PIK3CD: variants seen among roughly 807,000 people sequenced by gnomAD.
PIK3CD encodes phosphatidylinositol-4,5-bisphosphate 3-kinase catalytic subunit delta.
Under a neutral mutation model 122.9 loss-of-function variants are expected in PIK3CD, and 20 were observed. The observed-to-expected ratio is 0.16, with a 90% CI of 0.11 to 0.24. The LOEUF (loss-of-function observed/expected upper bound fraction) is 0.24, where lower values mean the gene tolerates loss of function less well. Among genes scored for constraint, PIK3CD ranks in the 10% least tolerant of loss-of-function variants. The pLI is 1.00. For synonymous variants in PIK3CD, 596 were observed against 593.4 expected (o/e 1.00, Z -0.06); for missense variants, 787 against 1,406.3 (o/e 0.56, Z 7.04).
At position 9,718,999 on chromosome 1, in the gene PIK3CD, C is replaced by A; in HGVS notation, c.1242+84C>A. ...GCTGGGCCACTCACCACTCTCCTCC[C>A]GGCAAGCACGCAGCCTGGGGATGGG... On this transcript the variant is annotated intron_variant, in intron 9 of 23. Coordinates refer to ENST00000377346, the MANE Select transcript of PIK3CD (RefSeq NM_005026.5). This position sits in a 1 kb window ranked among gnomAD's most constrained non-coding sequence, Gnocchi z 7.2. The A allele has an allele frequency of 7.8e-7, 1 of 1,287,018 alleles. No homozygotes were observed. The highest frequency in any genetic ancestry group is 1.2e-5 in the South Asian group (1 of 81,642). 79.7% of individuals were successfully genotyped at this position (1,287,018 alleles called of 1,614,324 possible). A position where few individuals can be genotyped will look rare whatever the true frequency, so the allele number is the denominator to read the frequency against.
At position 9,717,689 on chromosome 1, in the gene PIK3CD, C is replaced by A; in HGVS notation, c.1020+63C>A. On this transcript the variant is annotated intron_variant, in intron 8 of 23. Coordinates refer to ENST00000377346, the MANE Select transcript of PIK3CD (RefSeq NM_005026.5). This position sits in a 1 kb window ranked among gnomAD's most constrained non-coding sequence, Gnocchi z 5.4. ...TTTGCACAAACAAGGTGGCTGTATC[C>A]TGGAGGGGTAGCAGAGGAAGGAGGG... The A allele has an allele frequency of 6.9e-7, 1 of 1,440,966 alleles. No individual in the cohort carries two copies. The highest frequency in any genetic ancestry group is 9.7e-7 in the Non-Finnish European group (1 of 1,029,276). 89.3% of individuals were successfully genotyped at this position (1,440,966 alleles called of 1,614,324 possible). A position where few individuals can be genotyped will look rare whatever the true frequency, so the allele number is the denominator to read the frequency against.
In PIK3CD at chr1:9,724,675, C is replaced by A; in HGVS notation, c.2865-129C>A. 7.9e-7 allele frequency: 1 copy of A among 1,259,188 alleles called. No homozygotes were observed. Among genetic ancestry groups the A allele is most frequent in the Non-Finnish European group, 1.2e-6 (1 of 861,514 alleles). 78.0% of individuals were successfully genotyped at this position (1,259,188 alleles called of 1,614,324 possible). A position where few individuals can be genotyped will look rare whatever the true frequency, so the allele number is the denominator to read the frequency against. The stretch of plus-strand genomic sequence containing the variant: ...GGGGGTCAGTTAGCAGAACTGGAGG[C>A]CTTGTGTCCACCCATTATCAGGGCA... On this transcript the variant is annotated intron_variant, in intron 22 of 23. Transcript: ENST00000377346. The surrounding 1 kb of genome is among the most constrained non-coding windows in gnomAD (Gnocchi z 7.3).
At chr1:9,662,027 G>A (rs897080027) in intron 1 of PIK3CD, among the ~76,000 whole-genome samples, 1 of 152,104 alleles carries the variant, frequency 6.6e-6, no homozygotes, top group East Asian at 1.9e-4. Flanking sequence ...ACATGGTGGT[G>A]CATGCCTGTA....
At chr1:9,694,835 G>A (rs1370687058) in intron 2 of PIK3CD, among the ~76,000 whole-genome samples, 1 of 152,160 alleles carries the variant, frequency 6.6e-6, no homozygotes, top group African/African-American at 2.4e-5. Context: ...TGTGGCACAT[G>A]CTTGTGATCC....
At chr1:9,677,876 C>A (rs1210146905) in intron 1 of PIK3CD, among the ~76,000 whole-genome samples, 1 of 151,606 alleles carries the variant, frequency 6.6e-6, no homozygotes, top group Non-Finnish European at 1.5e-5. Context: ...CTGGGCCGGG[C>A]GTGGTGGCTC....
chr1:9,690,111 C>T (rs563450135), intron 1 of PIK3CD, among the ~76,000 whole-genome samples: 1 of 152,222 alleles, frequency 6.6e-6, no homozygotes, highest in East Asian at 1.9e-4. Flanking sequence ...TGGCTGTGCG[C>T]GTCCTCCCCT....
chr1:9,664,208 T>G (rs1413324122), intron 1 of PIK3CD, among the ~76,000 whole-genome samples: 2 of 151,936 alleles, frequency 1.3e-5, no homozygotes, highest in East Asian at 3.9e-4. Context: ...ATCACCATGC[T>G]CGGCTAATTT....
chr1:9,641,615 C>T, the PIK3CD span, among the ~76,000 whole-genome samples: 1 of 145,168 alleles, frequency 6.9e-6, no homozygotes, highest in South Asian at 2.2e-4. Flanking sequence ...AGTCCTGGAG[C>T]ACCTGGCCAC....
the PIK3CD span, among the ~76,000 whole-genome samples, chr1:9,638,326 G>C: frequency 6.6e-6 from 1 of 151,900 alleles, no homozygotes; most frequent in Non-Finnish European, 1.5e-5. Flanking sequence ...AATTACCTGA[G>C]AGCCGTTATC....
chr1:9,648,459 G>GAAAACCA (rs200144292), upstream of PIK3CD, among the ~76,000 whole-genome samples: 510 of 152,374 alleles, frequency 3.3e-3, 5 homozygotes, highest in East Asian at 0.021. Context: ...AGCGTTGAAA[G>GAAAACCA]TGCAGCCTAG....
chr1:9,628,649 C>T, the PIK3CD span, among the ~76,000 whole-genome samples: 1,704 of 152,286 alleles, frequency 0.011, 26 homozygotes, highest in African/African-American at 0.038. Context: ...CCTTCTTTGC[C>T]TTCCTCACAC....
intron 2 of PIK3CD, among the ~76,000 whole-genome samples, chr1:9,693,950 C>T (rs929175790): frequency 4.6e-5 from 7 of 152,092 alleles, no homozygotes; most frequent in Admixed American, 1.3e-4. Flanking sequence ...CCCCCCAGGC[C>T]ACATAGCCAG....
At chr1:9,691,678 A>C in intron 2 of PIK3CD, 107 bp downstream of exon 2, 2 of 394,448 alleles carry the variant, frequency 5.1e-6, no homozygotes, top group Admixed American at 8.9e-5. Flanking sequence ...TCTCCAGCCA[A>C]AGGAAGACTT....
Position 9,716,084 on chromosome 1 carries a change from C to A in PIK3CD, c.600+6C>A. On this transcript the variant is annotated splice_donor_region_variant and intron_variant, in intron 5 of 23. Coordinates refer to ENST00000377346, the MANE Select transcript of PIK3CD (RefSeq NM_005026.5). ...TTAAGTTTGAGGGCAGCGAGGTGAG[C>A]CCATGCGTGGCCTGCGGCATCCAGG... 1 of 1,607,536 alleles carries A rather than the reference C, an allele frequency of 6.2e-7. No homozygotes were observed. The highest frequency in any genetic ancestry group is 8.5e-7 in the Non-Finnish European group (1 of 1,176,130).
rs755673082 is a variant in PIK3CD, at chr1:9,718,680, G to A, written c.1021-14G>A. ...CCTCTGCCTCCTCACCCATCATCCC[G>A]GCACCTTCTACAGCTGGTGGTGCAG... On this transcript the variant is annotated splice_polypyrimidine_tract_variant and intron_variant, in intron 8 of 23. Transcript: ENST00000377346. This position sits in a 1 kb window ranked among gnomAD's most constrained non-coding sequence, Gnocchi z 7.2. 8.8e-6 allele frequency: 14 copies of A among 1,599,720 alleles called. No homozygotes were observed. Among genetic ancestry groups the A allele is most frequent in the African/African-American group, 6.7e-5 (5 of 74,580 alleles).
At chr1:9,663,467 A>C (rs1329450248) in intron 1 of PIK3CD, among the ~76,000 whole-genome samples, 2 of 152,104 alleles carry the variant, frequency 1.3e-5, no homozygotes, top group Non-Finnish European at 2.9e-5. Context: ...AGCATGTGGG[A>C]TATCTACCTG....
In PIK3CD at chr1:9,721,779, G is replaced by T. The variant is rs113257776; in HGVS notation, c.1974G>T (p.Pro658=). 1 of 1,613,230 alleles carries T rather than the reference G, an allele frequency of 6.2e-7. No individual in the cohort carries two copies. The highest frequency in any genetic ancestry group is 1.7e-5 in the Admixed American group (1 of 60,022). ...FWHLRSEMHV[P]SVALRFGLIL... ...CTTCCAGCTCCGAGATGCACGTGCC[G>T]TCGGTGGCCCTGCGCTTCGGCCTCA... Residue 658 remains proline (P), a synonymous_variant, in exon 16 of 24, where the codon CCG becomes CCT. Transcript: ENST00000377346.
the PIK3CD span, among the ~76,000 whole-genome samples, chr1:9,640,888 G>C: frequency 6.6e-6 from 1 of 152,058 alleles, no homozygotes; most frequent in Non-Finnish European, 1.5e-5. Flanking sequence ...CCACTGCCCA[G>C]GGCCTTTGCA....
chr1:9,653,902 AGT>A, intron 1 of PIK3CD: 1 of 1,367,100 alleles, frequency 7.3e-7, no homozygotes, highest in South Asian at 1.1e-5. Context: ...GGGCTGGAGG[AGT>A]GCTCTTAAAA....
Sources: gnomAD v4.1 joint callset for allele counts (sites outside exome capture counted in the v4.1 genomes callset) on GRCh38, gnomAD v4.1.1 for gene constraint, Gnocchi (gnomAD v3.1) non-coding constraint, MANE v1.5 for transcripts, NCBI Gene and HGNC (gene_info 2026-07-23, HGNC 2026-07-21) for gene names.